NRG1: variants seen among roughly 807,000 people sequenced by gnomAD.
NRG1 encodes the protein neuregulin 1.
In NRG1, 18 loss-of-function variants were observed where a neutral mutation model predicts 63.8. That is an observed-to-expected ratio of 0.28 (90% CI 0.19 to 0.42). The LOEUF (loss-of-function observed/expected upper bound fraction) is 0.42. Ranked by LOEUF, NRG1 falls within the 10% of genes least tolerant of loss-of-function variation. The pLI, the probability that NRG1 is intolerant of heterozygous loss-of-function variation, is 1.00. For synonymous variants in NRG1, 302 were observed against 301.3 expected, an observed-to-expected ratio of 1.00 and a Z score of -0.02; for missense variants, 762 against 814.7, an observed-to-expected ratio of 0.94 and a Z score of 0.79.
At chr8:31,807,546 C>T (rs1305761524) in intron 1 of NRG1, among the ~76,000 whole-genome samples, 2 of 152,116 alleles carry the variant, frequency 1.3e-5, no homozygotes, top group Non-Finnish European at 2.9e-5. Context: ...AATGTTCTCA[C>T]TCTTAAACCA....
At chr8:32,288,069 T>C (rs1212731330) in intron 1 of NRG1, among the ~76,000 whole-genome samples, 1 of 152,184 alleles carries the variant, frequency 6.6e-6, no homozygotes, top group African/African-American at 2.4e-5. Context: ...AAGAAAAAAG[T>C]GCATTGCCAT....
intron 1 of NRG1, among the ~76,000 whole-genome samples, chr8:31,656,739 A>G (rs1022149277): frequency 6.6e-6 from 1 of 152,178 alleles, no homozygotes; most frequent in Non-Finnish European, 1.5e-5. Flanking sequence ...TTTCCTATGT[A>G]CCACCTAAGC....
At chr8:32,440,402 G>A (rs141291425) in intron 1 of NRG1, among the ~76,000 whole-genome samples, 274 of 152,122 alleles carry the variant, frequency 1.8e-3, no homozygotes, top group African/African-American at 6.3e-3. Context: ...CAAGTGATCT[G>A]CCCACCTCGG....
chr8:32,179,200 A>G (rs1255142788), intron 1 of NRG1, among the ~76,000 whole-genome samples: 5 of 150,932 alleles, frequency 3.3e-5, no homozygotes, highest in African/African-American at 1.2e-4. Context: ...AAAAAAAAAA[A>G]AAAAAAAAAA....
chr8:32,550,341 C>T (rs1007900277), intron 1 of NRG1, among the ~76,000 whole-genome samples: 1 of 152,124 alleles, frequency 6.6e-6, no homozygotes, highest in African/African-American at 2.4e-5. Flanking sequence ...TACCTCCCTG[C>T]GTGACTTTGT....
At chr8:31,858,162 G>C (rs1193622927) in intron 1 of NRG1, among the ~76,000 whole-genome samples, 2 of 152,122 alleles carry the variant, frequency 1.3e-5, no homozygotes, top group South Asian at 4.1e-4. Context: ...AGTCGGGCAT[G>C]GTGGCAGGCG....
chr8:31,920,052 T>C (rs992717263), intron 1 of NRG1, among the ~76,000 whole-genome samples: 10 of 152,274 alleles, frequency 6.6e-5, no homozygotes, highest in African/African-American at 1.9e-4. Context: ...ACAGGCCTAG[T>C]TATTATTCCC....
intron 1 of NRG1, among the ~76,000 whole-genome samples, chr8:31,965,503 G>T (rs1389801412): frequency 1.3e-5 from 2 of 152,134 alleles, no homozygotes; most frequent in Non-Finnish European, 2.9e-5. Context: ...GATTACAGGT[G>T]TGAGCCACTG....
chr8:32,549,040 T>C (rs1050426467), intron 1 of NRG1, among the ~76,000 whole-genome samples: 1 of 152,152 alleles, frequency 6.6e-6, no homozygotes, highest in Non-Finnish European at 1.5e-5. Flanking sequence ...CGCCCAGAGC[T>C]CAGGGCAAGG....
intron 6 of NRG1, 141 bp downstream of exon 6, chr8:32,728,219 A>G (rs941289797): frequency 2.7e-6 from 4 of 1,469,350 alleles, no homozygotes; most frequent in Admixed American, 4.8e-5. Flanking sequence ...AGAGTGTTTT[A>G]AAACATTCAC....
At chr8:31,763,321 T>C (rs1016783438) in intron 1 of NRG1, among the ~76,000 whole-genome samples, 24 of 152,246 alleles carry the variant, frequency 1.6e-4, no homozygotes, top group African/African-American at 5.8e-4. Flanking sequence ...GTTGCTATTA[T>C]TGTATTATTA....
At chr8:32,380,558 CAG>C (rs1563385378) in intron 1 of NRG1, among the ~76,000 whole-genome samples, 2 of 152,084 alleles carry the variant, frequency 1.3e-5, no homozygotes. Flanking sequence ...ACTAATAAAA[CAG>C]AGTCCTAGAT....
intron 1 of NRG1, among the ~76,000 whole-genome samples, chr8:32,559,739 G>A (rs1292614727): frequency 2.0e-5 from 3 of 151,394 alleles, no homozygotes; most frequent in Non-Finnish European, 4.4e-5. Context: ...CCTCATACTT[G>A]TATTCCCAGC....
intron 1 of NRG1, among the ~76,000 whole-genome samples, chr8:32,140,753 CA>C (rs1331150630): frequency 6.6e-6 from 1 of 152,100 alleles, no homozygotes; most frequent in African/African-American, 2.4e-5. Context: ...ATGAGCCACC[CA>C]TGTACCTGGT....
upstream of NRG1, among the ~76,000 whole-genome samples, chr8:32,543,651 T>C (rs950528216): frequency 6.6e-6 from 1 of 152,118 alleles, no homozygotes; most frequent in African/African-American, 2.4e-5. Flanking sequence ...TTAATAGTAA[T>C]GATAAATAAT....
chr8:32,219,202 C>T (rs1231921735), intron 1 of NRG1, among the ~76,000 whole-genome samples: 1 of 152,170 alleles, frequency 6.6e-6, no homozygotes, highest in African/African-American at 2.4e-5. Flanking sequence ...TAGTTGGCAA[C>T]ATGATTCTGA....
At chr8:31,814,693 TTAA>T (rs1414571388) in intron 1 of NRG1, among the ~76,000 whole-genome samples, 7 of 149,872 alleles carry the variant, frequency 4.7e-5, no homozygotes, top group Middle Eastern at 3.3e-3. Context: ...TATTAAATAA[TTAA>T]TAATAAATAT....
intron 1 of NRG1, among the ~76,000 whole-genome samples, chr8:31,879,875 C>T (rs1161396947): frequency 6.6e-6 from 1 of 152,186 alleles, no homozygotes; most frequent in Non-Finnish European, 1.5e-5. Flanking sequence ...CATATTCCCA[C>T]AAAATATATG....
chr8:32,218,545 G>A (rs1051498599), intron 1 of NRG1, among the ~76,000 whole-genome samples: 4 of 152,098 alleles, frequency 2.6e-5, no homozygotes, highest in Admixed American at 2.6e-4. Flanking sequence ...GCTTAGTCTG[G>A]AGAAGCTACT....
Sources: gnomAD v4.1 joint callset for allele counts (sites outside exome capture counted in the v4.1 genomes callset) on GRCh38, gnomAD v4.1.1 for gene constraint, MANE v1.5 for transcripts, NCBI Gene and HGNC (gene_info 2026-07-23, HGNC 2026-07-21) for gene names.